TRERF1: variants seen among roughly 807,000 people sequenced by gnomAD.
TRERF1 encodes transcriptional-regulating factor 1.
Under a neutral mutation model 122.9 loss-of-function variants are expected in TRERF1, and 27 were observed. The ratio of observed to expected loss-of-function variants is 0.22; its 90% CI spans 0.16 to 0.30. The LOEUF (loss-of-function observed/expected upper bound fraction) is 0.30, where lower values mean the gene tolerates loss of function less well. Among genes scored for constraint, TRERF1 ranks in the 10% least tolerant of loss-of-function variants. The pLI is 1.00. For missense variants in TRERF1, 1,248 were observed against 1,560.3 expected, an observed-to-expected ratio of 0.80 and a Z score of 3.37; for synonymous variants, 636 against 641.7, an observed-to-expected ratio of 0.99 and a Z score of 0.13.
chr6:42,422,531 A>C (rs1782937800), intron 2 of TRERF1, among the ~76,000 whole-genome samples: 1 of 149,842 alleles, frequency 6.7e-6, no homozygotes, highest in South Asian at 2.1e-4. Context: ...AAAAAATACA[A>C]ATCTCCTGCC....
chr6:42,373,261 G>T (rs11969583), intron 2 of TRERF1, among the ~76,000 whole-genome samples: 3 of 152,172 alleles, frequency 2.0e-5, no homozygotes, highest in Non-Finnish European at 4.4e-5. Context: ...GGCTGGGTGC[G>T]GTGGCTCACG....
At chr6:42,357,872 G>A (rs1319038154) in intron 3 of TRERF1, among the ~76,000 whole-genome samples, 1 of 152,226 alleles carries the variant, frequency 6.6e-6, no homozygotes, top group East Asian at 1.9e-4. Context: ...GTGGTTGGGT[G>A]TATGTTTGGG....
At chr6:42,383,585 A>C (rs1341983650) in intron 2 of TRERF1, among the ~76,000 whole-genome samples, 1 of 152,070 alleles carries the variant, frequency 6.6e-6, no homozygotes, top group Non-Finnish European at 1.5e-5. Context: ...ACCAGAAACC[A>C]CCAAGCTTGG....
chr6:42,360,215 T>C (rs533427108), intron 3 of TRERF1, among the ~76,000 whole-genome samples: 1 of 152,364 alleles, frequency 6.6e-6, no homozygotes, highest in African/African-American at 2.4e-5. Flanking sequence ...AGCAAACCTA[T>C]AAAGTAGGTG....
chr6:42,234,319 G>GT (rs532285425), intron 16 of TRERF1, among the ~76,000 whole-genome samples: 49 of 150,196 alleles, frequency 3.3e-4, no homozygotes, highest in South Asian at 1.1e-3. Context: ...TATGATCTCT[G>GT]TTTTTTTTGT....
At chr6:42,405,171 CA>C (rs1417035160) in intron 2 of TRERF1, among the ~76,000 whole-genome samples, 5 of 152,126 alleles carry the variant, frequency 3.3e-5, no homozygotes, top group Non-Finnish European at 7.4e-5. Flanking sequence ...TACTCTGACT[CA>C]AAGTCTTACA....
At chr6:42,372,817 C>G (rs529004917) in intron 2 of TRERF1, among the ~76,000 whole-genome samples, 46 of 152,292 alleles carry the variant, frequency 3.0e-4, no homozygotes, top group South Asian at 1.0e-3. Flanking sequence ...AAGCAGTGGG[C>G]CAGCACACAC....
chr6:42,259,616 C>A lies in TRERF1; in HGVS notation c.1992G>T (p.Pro664=), dbSNP rs922556217. 1.7e-5 allele frequency: 27 copies of A among 1,613,546 alleles called. No individual in the cohort carries two copies. The highest frequency in any genetic ancestry group is 2.2e-5 in the Non-Finnish European group (26 of 1,179,942). Residue 664 remains proline (P), a synonymous_variant, in exon 9 of 18, where the codon CCG becomes CCT. Transcript: ENST00000372922. This position sits in a 1 kb window ranked among gnomAD's most constrained non-coding sequence, Gnocchi z 4.9. ...GGTTCGGGTTGTAGGAGGGCGGCGG[C>A]GGGATGAAGAGAGGTTCCGGCCGGT...
Position 42,333,633 on chromosome 6 carries a change from T to C in TRERF1, c.-371+29364A>G, listed in dbSNP as rs186855643. Among the ~76,000 whole-genome samples, 357 of 152,258 alleles carry C rather than the reference T, an allele frequency of 2.3e-3. 1 individual carries two copies. Among genetic ancestry groups the C allele is most frequent in the Non-Finnish European group, 3.0e-3 (202 of 68,006 alleles). On this transcript the variant is annotated intron_variant, in intron 3 of 17. Coordinates refer to ENST00000372922, the Ensembl canonical transcript of TRERF1. ...ATGCAAGGTTCCCACCACTGGTAGGTAAAGGGACTGCCCCCCATTCCAACA... is the reference window on the plus strand; with the variant it reads ...ATGCAAGGTTCCCACCACTGGTAGGCAAAGGGACTGCCCCCCATTCCAACA...
At chr6:42,412,034 C>G (rs970147134) in intron 2 of TRERF1, among the ~76,000 whole-genome samples, 1 of 105,410 alleles carries the variant, frequency 9.5e-6, no homozygotes, top group African/African-American at 3.6e-5. Flanking sequence ...GAGTTTTGCT[C>G]TTGTTGCCCA....
chr6:42,282,066 C>T (rs1782398698), intron 4 of TRERF1, among the ~76,000 whole-genome samples: 2 of 152,152 alleles, frequency 1.3e-5, no homozygotes. Context: ...AACTACTGCC[C>T]TCAGAATTCC....
intron 4 of TRERF1, among the ~76,000 whole-genome samples, chr6:42,274,673 T>C (rs994807791): frequency 1.3e-5 from 2 of 151,694 alleles, no homozygotes; most frequent in Non-Finnish European, 2.9e-5. Context: ...AGTGAGACCC[T>C]GTCTCAAAAA....
At chr6:42,435,421 C>T (rs188601123) in intron 2 of TRERF1, among the ~76,000 whole-genome samples, 40 of 151,694 alleles carry the variant, frequency 2.6e-4, no homozygotes, top group Non-Finnish European at 4.6e-4. Flanking sequence ...CATGGTGGTG[C>T]ACTCCTGTAG....
chr6:42,375,172 T>G (rs1416495606), intron 2 of TRERF1, among the ~76,000 whole-genome samples: 1 of 151,984 alleles, frequency 6.6e-6, no homozygotes, highest in Non-Finnish European at 1.5e-5. Context: ...CATCACACAA[T>G]GGGGCGCCAA....
chr6:42,338,361 C>T (rs1044093407), intron 3 of TRERF1, among the ~76,000 whole-genome samples: 3 of 152,112 alleles, frequency 2.0e-5, no homozygotes, highest in African/African-American at 7.2e-5. Flanking sequence ...GAAAAGGAGA[C>T]CTGGGTCACG....
Position 42,269,010 on chromosome 6 carries a change from G to A in TRERF1, c.581C>T (p.Ala194Val). The A allele has an allele frequency of 1.9e-6, 3 of 1,613,896 alleles. No homozygotes were observed. Among genetic ancestry groups the A allele is most frequent in the Non-Finnish European group, 2.5e-6 (3 of 1,179,856 alleles). The change falls in exon 5 of 18, where the codon GCA (alanine) becomes GTA (valine). Residue 194 changes from alanine (A) to valine (V), a missense_variant. This residue lies in a region of TRERF1 where 946 missense variants were observed against 1,073.0 expected (regional missense o/e 0.88). Transcript: ENST00000372922. This position sits in a 1 kb window ranked among gnomAD's most constrained non-coding sequence, Gnocchi z 4.9. ...CTGGTAGCGGGAAGGGATAGCCGGT[G>A]CTGGGGGCTCCATGGGCTTCTGAGA...
intron 2 of TRERF1, among the ~76,000 whole-genome samples, chr6:42,450,135 T>C (rs1788201847): frequency 6.6e-6 from 1 of 152,204 alleles, no homozygotes; most frequent in African/African-American, 2.4e-5. Flanking sequence ...GGTTAACTAG[T>C]TAAGCACTGA....
At chr6:42,247,607 G>A (rs1287722958) in intron 13 of TRERF1, among the ~76,000 whole-genome samples, 1 of 152,174 alleles carries the variant, frequency 6.6e-6, no homozygotes, top group African/African-American at 2.4e-5. Context: ...CTTCACTGCT[G>A]GGCTGGTGCA....
intron 2 of TRERF1, among the ~76,000 whole-genome samples, chr6:42,380,677 C>T (rs759998734): frequency 6.6e-6 from 1 of 152,216 alleles, no homozygotes; most frequent in Non-Finnish European, 1.5e-5. Flanking sequence ...CACCTTATAG[C>T]AATTTCTCAC....
Sources: allele counts gnomAD v4.1 joint callset (sites outside exome capture counted in the v4.1 genomes callset), GRCh38; gene constraint gnomAD v4.1.1; regional missense constraint gnomAD v4.1.1; non-coding constraint Gnocchi (gnomAD v3.1); transcripts MANE v1.5; gene names NCBI Gene and HGNC (gene_info 2026-07-23, HGNC 2026-07-21).